Variants in NDUFAF7 observed in about 807,000 individuals in gnomAD.
NDUFAF7 encodes protein arginine methyltransferase NDUFAF7, mitochondrial.
In NDUFAF7, 48 loss-of-function variants were observed where a neutral mutation model predicts 47.2. The ratio of observed to expected loss-of-function variants is 1.02; its 90% CI spans 0.81 to 1.29. The LOEUF (loss-of-function observed/expected upper bound fraction) is 1.29. NDUFAF7 is among the 50% of genes most tolerant of loss of function. The pLI is 0.00. For synonymous variants in NDUFAF7, 217 were observed against 190.0 expected, an observed-to-expected ratio of 1.14 and a Z score of -1.17; for missense variants, 635 against 537.6, an observed-to-expected ratio of 1.18 and a Z score of -1.79.
chr2:37,270,503 T>C, the NDUFAF7 span, among the ~76,000 whole-genome samples: 1 of 152,184 alleles, frequency 6.6e-6, no homozygotes, highest in East Asian at 1.9e-4. Context: ...CCTTTTTTTT[T>C]CTTCTTTGTA....
At chr2:37,250,796 G>T (rs1331715138), downstream of NDUFAF7, 1 of 152,472 alleles carries the variant, frequency 6.6e-6, no homozygotes, top group Non-Finnish European at 1.5e-5. Context: ...AAAATGTACT[G>T]AACAGTCATT....
chr2:37,248,551 A>G lies in NDUFAF7; in HGVS notation c.*201A>G, dbSNP rs1292417877. The stretch of plus-strand genomic sequence containing the variant: ...TTGGTGCAAATGTGTGCTCAAGCTA[A>G]TAAGTTATTGTGAAACTGAGTTTCC... On this transcript the variant is annotated 3_prime_UTR_variant, in exon 10 of 10. Transcript: ENST00000002125. 17 of 599,090 alleles carry G rather than the reference A, an allele frequency of 2.8e-5. No homozygotes were observed. Among genetic ancestry groups the G allele is most frequent in the East Asian group, 5.8e-5 (2 of 34,216 alleles). The allele number at this position is 599,090 out of a possible 1,614,324, so 37.1% of individuals were successfully genotyped here. A position where few individuals can be genotyped will look rare whatever the true frequency, so the allele number is the denominator to read the frequency against.
the NDUFAF7 span, among the ~76,000 whole-genome samples, chr2:37,265,688 TAAAC>T: frequency 2.0e-5 from 3 of 152,158 alleles, 1 homozygote; most frequent in South Asian, 4.1e-4. Context: ...ATATCTGACA[TAAAC>T]AATTTGAAGA....
At chr2:37,250,673 T>C (rs954320130), downstream of NDUFAF7, 1 of 152,206 alleles carries the variant, frequency 6.6e-6, no homozygotes, top group African/African-American at 2.4e-5. Context: ...TGGATACTTA[T>C]ACTAGAAATA....
At chr2:37,254,239 T>C, downstream of NDUFAF7, 1 of 1,613,480 alleles carries the variant, frequency 6.2e-7, no homozygotes, top group African/African-American at 1.3e-5. Context: ...TTGTCAACAC[T>C]GTAACGTTTT....
intron 8 of NDUFAF7, 77 bp downstream of exon 8, chr2:37,246,272 A>G: frequency 2.7e-6 from 4 of 1,489,016 alleles, no homozygotes; most frequent in South Asian, 2.3e-5. Flanking sequence ...TTTGATTTCT[A>G]CAGTGCCTGG....
downstream of NDUFAF7, chr2:37,251,795 C>G (rs910953955): frequency 6.6e-6 from 1 of 152,080 alleles, no homozygotes; most frequent in African/African-American, 2.4e-5. Context: ...GACCTGCCAT[C>G]TGTCCAGGCC....
intron 3 of NDUFAF7, among the ~76,000 whole-genome samples, chr2:37,236,773 T>A: frequency 1.6e-5 from 2 of 126,720 alleles, no homozygotes; most frequent in Admixed American, 8.8e-5. Flanking sequence ...TGAGCAAAAC[T>A]CCGTCTCAAA....
In NDUFAF7 at chr2:37,248,914, C is replaced by CAAA. The variant is rs60098762; in HGVS notation, c.*572_*574dup. On this transcript the variant is annotated 3_prime_UTR_variant, in exon 10 of 10. Coordinates refer to ENST00000002125, the MANE Select transcript of NDUFAF7 (RefSeq NM_144736.5). ...GGGCAACAAGAGCAAAAATCCCTCT[C>CAAA]AAAAAAAAAAGTAAACATGGGCACT... is the stretch of plus-strand genomic sequence containing the variant. The CAAA allele has an allele frequency of 1.3e-5, 2 of 151,276 alleles. No homozygotes were observed. Among genetic ancestry groups the CAAA allele is most frequent in the African/African-American group, 2.5e-5 (1 of 40,354 alleles). 9.4% of individuals were successfully genotyped at this position (151,276 alleles called of 1,614,324 possible).
downstream of NDUFAF7, chr2:37,253,248 T>C (rs757562032): frequency 6.2e-7 from 1 of 1,612,624 alleles, no homozygotes; most frequent in Non-Finnish European, 8.5e-7. Context: ...AGGTTATGTG[T>C]GTATGCATGT....
chr2:37,268,271 T>G, the NDUFAF7 span: 1 of 469,254 alleles, frequency 2.1e-6, no homozygotes, highest in South Asian at 1.6e-5. Flanking sequence ...TGAACAAATG[T>G]GTGCATTTTT....
the NDUFAF7 span, among the ~76,000 whole-genome samples, chr2:37,262,504 C>T: frequency 2.6e-5 from 4 of 152,144 alleles, no homozygotes; most frequent in Admixed American, 2.0e-4. Context: ...GTTTTCCAAG[C>T]AGCAAAATAC....
downstream of NDUFAF7, among the ~76,000 whole-genome samples, chr2:37,255,761 T>G (rs189745601): frequency 6.6e-6 from 1 of 152,166 alleles, no homozygotes; most frequent in East Asian, 1.9e-4. Context: ...ATCCCAGCAC[T>G]TTGGGAGGTC....
chr2:37,231,816 C>T (rs1160110530), intron 1 of NDUFAF7, 56 bp downstream of exon 1: 12 of 1,610,842 alleles, frequency 7.4e-6, no homozygotes, highest in Non-Finnish European at 1.0e-5. Flanking sequence ...GGGGCGCCTT[C>T]CTCAGCTCTT....
chr2:37,262,933 T>G, the NDUFAF7 span, among the ~76,000 whole-genome samples: 2 of 149,858 alleles, frequency 1.3e-5, no homozygotes, highest in Non-Finnish European at 3.0e-5. Context: ...CTAAGATCAT[T>G]TTGTATATTC....
At position 37,241,720 on chromosome 2, in the gene NDUFAF7, T is replaced by G. The variant is rs779945890; in HGVS notation, c.551T>G (p.Val184Gly). 6.2e-7 allele frequency: 1 copy of G among 1,613,928 alleles called. No individual in the cohort carries two copies. The highest frequency in any genetic ancestry group is 1.1e-5 in the South Asian group (1 of 91,060). ...VPLERNAGSP[V>G]YMKGVTKSGI... is the part of the protein sequence containing the mutation. ...TTAGAGCGAAATGCTGGATCCCCAG[T>G]GTATATGAAAGGTGTCACTAAGTCT... Residue 184 changes from valine (V) to glycine (G), a missense_variant, in exon 5 of 10, where the codon GTG becomes GGG. Physicochemically the swap from Val to Gly is moderately radical, Grantham distance 109. Transcript: ENST00000002125.
downstream of NDUFAF7, among the ~76,000 whole-genome samples, chr2:37,255,794 G>A (rs570856801): frequency 1.3e-5 from 2 of 152,258 alleles, no homozygotes; most frequent in South Asian, 2.1e-4. Flanking sequence ...TCAATTGAGT[G>A]CAAGAGTTTG....
At chr2:37,249,558 GACAC>G (rs56374800), downstream of NDUFAF7, among the ~76,000 whole-genome samples, 9,828 of 127,904 alleles carry the variant, frequency 0.077, 453 homozygotes, top group Non-Finnish European at 0.095. Flanking sequence ...GCCTGTGATA[GACAC>G]ACACACACAC....
the NDUFAF7 span, chr2:37,260,381 A>G: frequency 1.9e-6 from 3 of 1,609,892 alleles, no homozygotes; most frequent in South Asian, 1.1e-5. Flanking sequence ...GGATGGTGCA[A>G]ATTCTGAAGA....
Sources: gnomAD v4.1 joint callset for allele counts (sites outside exome capture counted in the v4.1 genomes callset) on GRCh38, gnomAD v4.1.1 for gene constraint, MANE v1.5 for transcripts, NCBI Gene and HGNC (gene_info 2026-07-23, HGNC 2026-07-21) for gene names.